Variants in SOS1 observed in about 807,000 individuals in gnomAD.
The protein encoded by SOS1 is SOS Ras/Rac guanine nucleotide exchange factor 1, also known as son of sevenless homolog 1.
SOS1 carries 25 observed loss-of-function variants against 157.6 expected under a neutral mutation model. The observed-to-expected ratio is 0.16, with a 90% CI of 0.12 to 0.22. The LOEUF is 0.22. SOS1 is among the 10% of genes least tolerant of loss of function. The probability of loss-of-function intolerance (pLI) is 1.00; values close to 1 mark genes in which losing one functional copy is unlikely to be tolerated. For missense variants in SOS1, 1,237 were observed against 1,599.1 expected, an observed-to-expected ratio of 0.77 and a Z score of 3.86; for synonymous variants, 528 against 534.0, an observed-to-expected ratio of 0.99 and a Z score of 0.16.
At chr2:39,051,021 A>G (rs1670997075) in intron 6 of SOS1, 123 bp downstream of exon 6, 2 of 894,624 alleles carry the variant, frequency 2.2e-6, no homozygotes, top group Non-Finnish European at 3.7e-6. Flanking sequence ...AAAAGGAGCA[A>G]TAACAGATAA....
At chr2:39,120,101 T>C (rs1338226015) in intron 1 of SOS1, among the ~76,000 whole-genome samples, 2 of 151,670 alleles carry the variant, frequency 1.3e-5, no homozygotes, top group African/African-American at 2.4e-5. Context: ...CTCTCAGGGG[T>C]TGGATTATCC....
At chr2:39,011,898 C>T (rs908230921) in intron 14 of SOS1, among the ~76,000 whole-genome samples, 13 of 152,086 alleles carry the variant, frequency 8.5e-5, no homozygotes, top group Non-Finnish European at 1.3e-4. Flanking sequence ...GGATTTGAAC[C>T]TAGCCTTACC....
At chr2:39,031,253 G>A (rs1371790827) in intron 8 of SOS1, among the ~76,000 whole-genome samples, 1 of 152,110 alleles carries the variant, frequency 6.6e-6, no homozygotes, top group Non-Finnish European at 1.5e-5. Flanking sequence ...AGGTTACAAG[G>A]ACCCAGCATA....
At chr2:39,076,671 G>A (rs1284791212) in intron 1 of SOS1, among the ~76,000 whole-genome samples, 2 of 152,020 alleles carry the variant, frequency 1.3e-5, no homozygotes, top group African/African-American at 4.8e-5. Flanking sequence ...AACAAAAAGT[G>A]TACAACAAAA....
chr2:39,046,318 A>G (rs1670781997), intron 6 of SOS1, among the ~76,000 whole-genome samples: 1 of 152,128 alleles, frequency 6.6e-6, no homozygotes, highest in African/African-American at 2.4e-5. Context: ...TTATTCTTCT[A>G]TCACAAATAC....
intron 1 of SOS1, among the ~76,000 whole-genome samples, chr2:39,110,059 T>C (rs1572899477): frequency 6.6e-6 from 1 of 151,270 alleles, no homozygotes; most frequent in East Asian, 2.0e-4. Context: ...TGTGTGTGTG[T>C]GTGTGTGTGT....
At chr2:39,103,024 A>G (rs1379281955) in intron 1 of SOS1, among the ~76,000 whole-genome samples, 1 of 152,222 alleles carries the variant, frequency 6.6e-6, no homozygotes, top group Non-Finnish European at 1.5e-5. Flanking sequence ...GAATAATCTG[A>G]AAAAGAAATT....
At chr2:39,047,381 A>G (rs1670827952) in intron 6 of SOS1, among the ~76,000 whole-genome samples, 1 of 152,164 alleles carries the variant, frequency 6.6e-6, no homozygotes, top group Non-Finnish European at 1.5e-5. Flanking sequence ...TATGCCCAAG[A>G]GTTAAAATGC....
chr2:39,028,027 T>C (rs1670026793), intron 8 of SOS1, among the ~76,000 whole-genome samples: 1 of 152,054 alleles, frequency 6.6e-6, no homozygotes. Context: ...GACAGGGTTT[T>C]GCCATGTTGG....
chr2:39,010,171 C>T (rs1293357154), intron 15 of SOS1, among the ~76,000 whole-genome samples: 2 of 151,942 alleles, frequency 1.3e-5, no homozygotes, highest in Non-Finnish European at 2.9e-5. Context: ...CTAAAATTAG[C>T]TGGGTGTGGT....
At chr2:39,087,970 G>A (rs1672438024) in intron 1 of SOS1, among the ~76,000 whole-genome samples, 1 of 151,286 alleles carries the variant, frequency 6.6e-6, no homozygotes, top group East Asian at 2.0e-4. Context: ...ACTGCACCCA[G>A]CCGAAAGTGC....
At chr2:39,109,435 A>G (rs899339686) in intron 1 of SOS1, among the ~76,000 whole-genome samples, 1 of 152,074 alleles carries the variant, frequency 6.6e-6, no homozygotes, top group Non-Finnish European at 1.5e-5. Flanking sequence ...CAAAGCCCCA[A>G]TATGTAAAAG....
chr2:39,004,164 C>T (rs946259062), intron 17 of SOS1, among the ~76,000 whole-genome samples: 8 of 151,858 alleles, frequency 5.3e-5, no homozygotes, highest in Non-Finnish European at 1.0e-4. Context: ...GCCTGTAATC[C>T]CAGCACTTTG....
chr2:39,049,564 C>G (rs549159617), intron 6 of SOS1, among the ~76,000 whole-genome samples: 43 of 152,196 alleles, frequency 2.8e-4, no homozygotes, highest in Non-Finnish European at 5.7e-4. Flanking sequence ...GGAATAAATT[C>G]ATGTTGTAAT....
intron 1 of SOS1, among the ~76,000 whole-genome samples, chr2:39,091,594 A>C (rs1450978870): frequency 1.3e-5 from 2 of 151,900 alleles, no homozygotes; most frequent in East Asian, 3.8e-4. Context: ...GAACTCGAAA[A>C]AAAAAAAAAA....
intron 1 of SOS1, among the ~76,000 whole-genome samples, chr2:39,071,656 C>A (rs763960312): frequency 6.6e-6 from 1 of 152,066 alleles, no homozygotes; most frequent in Non-Finnish European, 1.5e-5. Flanking sequence ...TCTAGACATT[C>A]GAAAAGATGT....
At chr2:39,057,531 C>T (rs921856809) in intron 3 of SOS1, among the ~76,000 whole-genome samples, 2 of 151,894 alleles carry the variant, frequency 1.3e-5, no homozygotes, top group Non-Finnish European at 2.9e-5. Context: ...AAAAAAACAA[C>T]TTTGAAATAA....
Position 39,054,897 on chromosome 2 carries a change from G to T in SOS1, c.511-74C>A, listed in dbSNP as rs188865612. On this transcript the variant is annotated intron_variant, in intron 4 of 22. Transcript: ENST00000402219. The stretch of plus-strand genomic sequence containing the variant: ...TAGAATTTGATGTGAAATGCTCTAA[G>T]TTCTCTGAATAAAGTTCTTAAATGA... 56 of 831,872 alleles carry T rather than the reference G, an allele frequency of 6.7e-5. No individual in the cohort carries two copies. The East Asian group carries it at 1.3e-3, about 19-fold the overall frequency. The allele number at this position is 831,872 out of a possible 1,614,324, so 51.5% of individuals were successfully genotyped here.
At chr2:39,005,386 G>A (rs1274538577) in intron 17 of SOS1, among the ~76,000 whole-genome samples, 3 of 151,968 alleles carry the variant, frequency 2.0e-5, no homozygotes, top group Non-Finnish European at 2.9e-5. Context: ...AAATCATGTG[G>A]AAAGCAAAAA....
Sources: gnomAD v4.1 joint callset for allele counts (sites outside exome capture counted in the v4.1 genomes callset) on GRCh38, gnomAD v4.1.1 for gene constraint, MANE v1.5 for transcripts, NCBI Gene and HGNC (gene_info 2026-07-23, HGNC 2026-07-21) for gene names.